CTNNA3: variants seen among roughly 807,000 people sequenced by gnomAD.
The protein encoded by CTNNA3 is catenin alpha-3.
CTNNA3 carries 76 observed loss-of-function variants against 95.7 expected under a neutral mutation model. That is an observed-to-expected ratio of 0.79 (90% CI 0.66 to 0.96). The LOEUF is 0.96. CTNNA3 is among the 40% of genes least tolerant of loss of function. CTNNA3 has a pLI of 0.00. For synonymous variants in CTNNA3, 431 were observed against 374.4 expected, an observed-to-expected ratio of 1.15 and a Z score of -1.74; for missense variants, 1,191 against 1,089.8, an observed-to-expected ratio of 1.09 and a Z score of -1.31.
chr10:65,973,017 G>A (rs2078141159), intron 16 of CTNNA3, among the ~76,000 whole-genome samples: 1 of 151,676 alleles, frequency 6.6e-6, no homozygotes, highest in African/African-American at 2.4e-5. Flanking sequence ...AGATACACAG[G>A]CTGATGGGAC....
intron 9 of CTNNA3, among the ~76,000 whole-genome samples, chr10:66,705,963 C>T (rs553034446): frequency 2.0e-5 from 3 of 152,206 alleles, no homozygotes; most frequent in African/African-American, 7.2e-5. Context: ...TTTGACATCA[C>T]TTTATAGAAA....
At chr10:67,105,539 T>C (rs1858584266) in intron 7 of CTNNA3, among the ~76,000 whole-genome samples, 1 of 152,124 alleles carries the variant, frequency 6.6e-6, no homozygotes, top group African/African-American at 2.4e-5. Context: ...TTCTTGCTGT[T>C]TTACATCAAT....
intron 7 of CTNNA3, among the ~76,000 whole-genome samples, chr10:66,801,362 A>G (rs1208717907): frequency 2.6e-5 from 4 of 151,564 alleles, no homozygotes; most frequent in African/African-American, 7.2e-5. Context: ...TACAGACAAC[A>G]AAGTAAAATC....
At chr10:66,577,631 GT>G (rs1168586387) in intron 10 of CTNNA3, among the ~76,000 whole-genome samples, 2 of 151,980 alleles carry the variant, frequency 1.3e-5, no homozygotes, top group Non-Finnish European at 2.9e-5. Flanking sequence ...AGGACAGGTG[GT>G]TGTAGGTTTG....
intron 13 of CTNNA3, among the ~76,000 whole-genome samples, chr10:66,195,798 G>A (rs2086925468): frequency 6.6e-6 from 1 of 152,108 alleles, no homozygotes; most frequent in Non-Finnish European, 1.5e-5. Context: ...TATTTTTATG[G>A]TAAGAGGAAC....
chr10:67,750,899 C>T (rs1046097138), intron 1 of CTNNA3: 75 of 1,610,476 alleles, frequency 4.7e-5, no homozygotes, highest in Non-Finnish European at 5.4e-5. Context: ...AAGGGCATCA[C>T]CATTATGGCC....
chr10:66,892,029 AT>A (rs1396002034), intron 7 of CTNNA3, among the ~76,000 whole-genome samples: 2 of 152,124 alleles, frequency 1.3e-5, no homozygotes, highest in East Asian at 3.9e-4. Context: ...GGTTTTGCCT[AT>A]TGTATAATAA....
At chr10:67,714,788 A>G (rs1841132957) in intron 1 of CTNNA3, among the ~76,000 whole-genome samples, 1 of 152,190 alleles carries the variant, frequency 6.6e-6, no homozygotes. Flanking sequence ...AGGTAACTGA[A>G]TCATGGGGAC....
chr10:67,704,086 C>T (rs985944893), intron 1 of CTNNA3, among the ~76,000 whole-genome samples: 6 of 152,042 alleles, frequency 3.9e-5, no homozygotes, highest in African/African-American at 1.2e-4. Context: ...GAAGGACCTC[C>T]TCAAGGAGAA....
At chr10:67,168,534 A>G (rs533589270) in intron 7 of CTNNA3, among the ~76,000 whole-genome samples, 82 of 152,314 alleles carry the variant, frequency 5.4e-4, no homozygotes, top group African/African-American at 1.9e-3. Context: ...GACAAAAACC[A>G]CTATTATCTC....
chr10:67,280,793 C>A (rs1839367008), intron 5 of CTNNA3, among the ~76,000 whole-genome samples: 1 of 152,084 alleles, frequency 6.6e-6, no homozygotes, highest in African/African-American at 2.4e-5. Context: ...CTCAAAATTG[C>A]CTATATTTCC....
At chr10:67,162,424 C>T (rs574289256) in intron 7 of CTNNA3, among the ~76,000 whole-genome samples, 20 of 151,736 alleles carry the variant, frequency 1.3e-4, no homozygotes, top group African/African-American at 4.8e-4. Flanking sequence ...AAAAATTAGT[C>T]ACAAAGAGTG....
At chr10:66,145,324 G>A (rs1325228729) in intron 13 of CTNNA3, among the ~76,000 whole-genome samples, 2 of 152,148 alleles carry the variant, frequency 1.3e-5, no homozygotes, top group African/African-American at 4.8e-5. Context: ...ACCATATCAT[G>A]TACAGGTAAA....
intron 10 of CTNNA3, among the ~76,000 whole-genome samples, chr10:66,541,554 T>C (rs1841851892): frequency 6.6e-6 from 1 of 152,174 alleles, no homozygotes; most frequent in South Asian, 2.1e-4. Flanking sequence ...TAAAGGATTT[T>C]AATGTATTGT....
At chr10:66,180,447 C>A (rs183905024) in intron 13 of CTNNA3, among the ~76,000 whole-genome samples, 101 of 152,232 alleles carry the variant, frequency 6.6e-4, no homozygotes, top group East Asian at 2.3e-3. Context: ...CTAATTGATT[C>A]TCCGGGCTCC....
intron 1 of CTNNA3, among the ~76,000 whole-genome samples, chr10:67,657,847 C>CAAAAA (rs200763142): frequency 4.5e-4 from 18 of 39,598 alleles, no homozygotes; most frequent in Non-Finnish European, 8.2e-4. Context: ...AATTCCATCT[C>CAAAAA]AAAAAAAAAA....
chr10:66,451,249 T>C (rs141169528), intron 11 of CTNNA3, among the ~76,000 whole-genome samples: 3 of 152,304 alleles, frequency 2.0e-5, no homozygotes, highest in Admixed American at 6.5e-5. Context: ...ATAACAAATA[T>C]TTAGTGAACA....
intron 7 of CTNNA3, among the ~76,000 whole-genome samples, chr10:66,811,140 C>G (rs1841859179): frequency 6.6e-6 from 1 of 152,150 alleles, no homozygotes. Context: ...ATGTAGTATA[C>G]TTGCACTAAA....
chr10:67,147,066 C>G (rs1860883557), intron 7 of CTNNA3, among the ~76,000 whole-genome samples: 1 of 152,160 alleles, frequency 6.6e-6, no homozygotes, highest in Non-Finnish European at 1.5e-5. Context: ...GGACACTTTT[C>G]TCAAAACATC....
Sources: allele counts gnomAD v4.1 joint callset (sites outside exome capture counted in the v4.1 genomes callset), GRCh38; gene constraint gnomAD v4.1.1; transcripts MANE v1.5; gene names NCBI Gene and HGNC (gene_info 2026-07-23, HGNC 2026-07-21).